KCNH8: variants seen among roughly 807,000 people sequenced by gnomAD.
KCNH8 encodes the protein voltage-gated delayed rectifier potassium channel KCNH8.
A neutral mutation model predicts 103.6 loss-of-function variants in KCNH8; 70 were observed. That is an observed-to-expected ratio of 0.68 (90% confidence interval 0.56 to 0.82). The LOEUF (loss-of-function observed/expected upper bound fraction) is 0.82, where lower values mean the gene tolerates loss of function less well. Among genes scored for constraint, KCNH8 ranks in the 40% least tolerant of loss-of-function variants. The probability of loss-of-function intolerance (pLI) is 0.00; values close to 1 mark genes in which losing one functional copy is unlikely to be tolerated. For missense variants in KCNH8, 1,217 were observed against 1,329.9 expected (o/e 0.92, Z 1.32); for synonymous variants, 498 against 489.4 (o/e 1.02, Z -0.23).
At chr3:19,518,948 G>A (rs1453486927) in intron 15 of KCNH8, among the ~76,000 whole-genome samples, 2 of 152,028 alleles carry the variant, frequency 1.3e-5, no homozygotes, top group African/African-American at 4.8e-5. Context: ...GATACAGGAA[G>A]TATAATTAAA....
At chr3:19,311,698 C>T (rs1400853899) in intron 3 of KCNH8, among the ~76,000 whole-genome samples, 1 of 151,726 alleles carries the variant, frequency 6.6e-6, no homozygotes, top group Non-Finnish European at 1.5e-5. Context: ...CCAGGCCAAA[C>T]AGAGCTGTAC....
At chr3:19,218,230 A>T (rs1049496667) in intron 1 of KCNH8, among the ~76,000 whole-genome samples, 2 of 152,226 alleles carry the variant, frequency 1.3e-5, no homozygotes, top group African/African-American at 4.8e-5. Flanking sequence ...TATGAATTTA[A>T]GAAATTTTTA....
intron 5 of KCNH8, among the ~76,000 whole-genome samples, chr3:19,379,469 G>A (rs907257716): frequency 1.3e-4 from 20 of 151,916 alleles, no homozygotes; most frequent in Admixed American, 8.5e-4. Context: ...GTGAAACCCC[G>A]TCTCTACTAA....
At chr3:19,171,879 GCTTA>G (rs1393351116) in intron 1 of KCNH8, among the ~76,000 whole-genome samples, 2 of 152,120 alleles carry the variant, frequency 1.3e-5, no homozygotes, top group Admixed American at 6.5e-5. Context: ...GGTTTTTTCT[GCTTA>G]CTTAATTGTC....
intron 11 of KCNH8, among the ~76,000 whole-genome samples, chr3:19,474,703 T>C (rs531155883): frequency 6.6e-6 from 1 of 152,328 alleles, no homozygotes; most frequent in Non-Finnish European, 1.5e-5. Flanking sequence ...CATTTAATGA[T>C]GTAATTCCAC....
intron 11 of KCNH8, among the ~76,000 whole-genome samples, chr3:19,479,517 C>CA (rs1282132114): frequency 6.6e-6 from 1 of 152,120 alleles, no homozygotes; most frequent in Non-Finnish European, 1.5e-5. Context: ...GGTGAAATGT[C>CA]AGATTTGTTT....
In KCNH8 at chr3:19,259,053, A is replaced by G. The variant is rs192741738; in HGVS notation, c.310+5166A>G. 6.3e-3 allele frequency among the ~76,000 whole-genome samples: 937 copies of G among 148,570 alleles called. 9 individuals are homozygous for G. The highest frequency in any genetic ancestry group is 0.021 in the African/African-American group (842 of 40,684). On this transcript the variant is annotated intron_variant, in intron 2 of 15. Coordinates refer to ENST00000328405, the MANE Select transcript of KCNH8 (RefSeq NM_144633.3). ...TTATTTCTAAATAGTAAAAAAGGAA[A>G]TACAACTATTTATTTTAAAAGAGAA...
At chr3:19,321,386 T>C (rs1241959888) in intron 3 of KCNH8, among the ~76,000 whole-genome samples, 2 of 152,006 alleles carry the variant, frequency 1.3e-5, no homozygotes, top group African/African-American at 4.8e-5. Context: ...ATTGTGTCAC[T>C]ATTTTTCAGT....
At chr3:19,454,102 T>A (rs915737855) in intron 10 of KCNH8, among the ~76,000 whole-genome samples, 1 of 151,488 alleles carries the variant, frequency 6.6e-6, no homozygotes, top group African/African-American at 2.4e-5. Flanking sequence ...AATATTAAAG[T>A]AAGGCTCAAT....
chr3:19,306,172 C>T (rs967881844), intron 3 of KCNH8, among the ~76,000 whole-genome samples: 1 of 151,988 alleles, frequency 6.6e-6, no homozygotes, highest in Non-Finnish European at 1.5e-5. Context: ...AAATGAATAG[C>T]ACCAGTCACA....
chr3:19,496,073 T>G (rs979912732), intron 11 of KCNH8, among the ~76,000 whole-genome samples: 3 of 152,194 alleles, frequency 2.0e-5, no homozygotes, highest in African/African-American at 7.2e-5. Context: ...GCTGAAATTG[T>G]TTATCAGATC....
At chr3:19,226,790 G>T (rs924383899) in intron 1 of KCNH8, among the ~76,000 whole-genome samples, 2 of 152,106 alleles carry the variant, frequency 1.3e-5, no homozygotes, top group African/African-American at 2.4e-5. Flanking sequence ...GCCTTCTGGG[G>T]CTCTGCAGTG....
chr3:19,427,897 G>C (rs1299739324), intron 7 of KCNH8, among the ~76,000 whole-genome samples: 1 of 152,144 alleles, frequency 6.6e-6, no homozygotes, highest in East Asian at 1.9e-4. Flanking sequence ...GGTGGAAGGA[G>C]AGAGCACTTA....
intron 2 of KCNH8, among the ~76,000 whole-genome samples, chr3:19,259,379 A>T (rs1304549063): frequency 6.6e-6 from 1 of 151,912 alleles, no homozygotes; most frequent in Non-Finnish European, 1.5e-5. Context: ...TAAAAAGTAT[A>T]CTGGGTAATA....
rs1163604706 is a variant in KCNH8, at chr3:19,308,650, GTCTCTCTCTCTCTCTCTC to G, written c.442+27372_442+27389del. On this transcript the variant is annotated intron_variant, in intron 3 of 15. Transcript: ENST00000328405. ...ATGAAAAGACCCTGTGAATGTTGGG[GTCTCTCTCTCTCTCTCTC>G]TCTCTCTCTCTCTCTCTCTCTCTCT... 1.5e-3 allele frequency among the ~76,000 whole-genome samples: 76 copies of G among 51,358 alleles called. 3 individuals carry two copies. Among genetic ancestry groups the G allele is most frequent in the African/African-American group, 4.1e-3 (51 of 12,304 alleles). 33.7% of individuals were successfully genotyped at this position (51,358 alleles called of 152,430 possible). A position where few individuals can be genotyped will look rare whatever the true frequency, so the allele number is the denominator to read the frequency against.
At chr3:19,353,024 T>C (rs1256002495) in intron 5 of KCNH8, among the ~76,000 whole-genome samples, 1 of 151,730 alleles carries the variant, frequency 6.6e-6, no homozygotes, top group East Asian at 1.9e-4. Context: ...AAGAATTGAA[T>C]AGTCGCAATA....
intron 2 of KCNH8, among the ~76,000 whole-genome samples, chr3:19,258,941 CTCTCTCTATATATATATATATATATA>C (rs1463661749): frequency 9.3e-5 from 6 of 64,528 alleles, no homozygotes; most frequent in Non-Finnish European, 1.9e-4. Flanking sequence ...CTCTCTCTCT[CTCTCTCTATATATATATATATATATA>C]TATATATATA....
At chr3:19,512,932 T>G (rs145803217) in intron 12 of KCNH8, 38 bp from the exon 13 acceptor site, 1 of 1,572,870 alleles carries the variant, frequency 6.4e-7, no homozygotes, top group South Asian at 1.2e-5. Flanking sequence ...TCTGCGGTTT[T>G]TGCAGTCTGT....
At chr3:19,194,079 C>T (rs868719024) in intron 1 of KCNH8, among the ~76,000 whole-genome samples, 1 of 151,710 alleles carries the variant, frequency 6.6e-6, no homozygotes, top group African/African-American at 2.4e-5. Flanking sequence ...GAAGTATGCT[C>T]GAATGGACTT....
Sources: allele counts gnomAD v4.1 joint callset (sites outside exome capture counted in the v4.1 genomes callset), GRCh38; gene constraint gnomAD v4.1.1; transcripts MANE v1.5; gene names NCBI Gene and HGNC (gene_info 2026-07-23, HGNC 2026-07-21).